Variants in SLCO4A1 observed in about 807,000 individuals in gnomAD.
SLCO4A1 encodes the protein solute carrier organic anion transporter family member 4A1.
SLCO4A1 carries 51 observed loss-of-function variants against 64.6 expected under a neutral mutation model. That is an observed-to-expected ratio of 0.79 (90% CI 0.63 to 1.00). The LOEUF is 1.00. SLCO4A1 is among the 50% of genes least tolerant of loss of function. The pLI is 0.00. For synonymous variants in SLCO4A1, 471 were observed against 444.9 expected, an observed-to-expected ratio of 1.06 and a Z score of -0.74; for missense variants, 919 against 980.5, an observed-to-expected ratio of 0.94 and a Z score of 0.84.
chr20:62,685,936 G>A (rs1988045129), downstream of SLCO4A1, among the ~76,000 whole-genome samples: 1 of 152,008 alleles, frequency 6.6e-6, no homozygotes, highest in Admixed American at 6.5e-5. This position sits in a 1 kb window ranked among gnomAD's most constrained non-coding sequence, Gnocchi z 4.6. Flanking sequence ...TGGATCCATG[G>A]CTGAGCAAGT....
chr20:62,654,254 C>A (rs1369565519), intron 1 of SLCO4A1, among the ~76,000 whole-genome samples: 2 of 152,198 alleles, frequency 1.3e-5, no homozygotes, highest in Non-Finnish European at 2.9e-5. Flanking sequence ...CACCTGTCAC[C>A]GGGTTTAGGG....
Position 62,667,556 on chromosome 20 carries a change from A to C in SLCO4A1, c.1473-189A>C, listed in dbSNP as rs1242301306. On this transcript the variant is annotated intron_variant, in intron 7 of 11. Coordinates refer to ENST00000217159, the MANE Select transcript of SLCO4A1 (RefSeq NM_016354.4). ...TGCCTTCCTTGCGTGAGGAGGAAAA[A>C]CCATTCTATCACCAGAAGGCAGTGC... 4.6e-6 allele frequency: 3 copies of C among 646,360 alleles called. No individual in the cohort carries two copies. The African/African-American group carries it at 5.5e-5, about 12-fold the overall frequency. 40.0% of individuals were successfully genotyped at this position (646,360 alleles called of 1,614,324 possible).
Position 62,656,273 on chromosome 20 carries a change from G to A in SLCO4A1, c.-96-86G>A, listed in dbSNP as rs536065326. 59 of 589,524 alleles carry A rather than the reference G, an allele frequency of 1.0e-4. 1 individual carries two copies. In the South Asian group the frequency reaches 1.1e-3, roughly 11 times the overall value. 36.5% of individuals were successfully genotyped at this position (589,524 alleles called of 1,614,324 possible). On this transcript the variant is annotated intron_variant, in intron 1 of 11. Coordinates refer to ENST00000217159, the MANE Select transcript of SLCO4A1 (RefSeq NM_016354.4). ...GCAGGCAGAGCTTTGAGCCACCCCC[G>A]TGATGGGTGTGCTGGAATGTTCCCT...
At chr20:62,688,603 G>C (rs1016152214), downstream of SLCO4A1, among the ~76,000 whole-genome samples, 1 of 152,216 alleles carries the variant, frequency 6.6e-6, no homozygotes, top group Non-Finnish European at 1.5e-5. Context: ...TGGAATGGAC[G>C]CAGGGCCCAG....
chr20:62,672,356 G>T, downstream of SLCO4A1: 1 of 936,742 alleles, frequency 1.1e-6, no homozygotes, highest in Non-Finnish European at 1.3e-6. Context: ...CGCCATCCTT[G>T]GCCCACGTCC....
downstream of SLCO4A1, among the ~76,000 whole-genome samples, chr20:62,672,852 C>T (rs1368526639): frequency 6.6e-6 from 1 of 152,114 alleles, no homozygotes; most frequent in East Asian, 1.9e-4. Context: ...ACTCGCTGAG[C>T]CCTGCAGCCC....
At chr20:62,646,502 C>T (rs1031506222) in intron 1 of SLCO4A1, among the ~76,000 whole-genome samples, 10 of 152,266 alleles carry the variant, frequency 6.6e-5, no homozygotes, top group African/African-American at 2.4e-4. Context: ...GTAGCCGAGG[C>T]ACAGCGGGGG....
rs117493337 is a variant in SLCO4A1 at position 62,668,925 on chromosome 20, C to T, written c.1877-5C>T. The T allele has an allele frequency of 1.7e-4, 267 of 1,601,466 alleles. No homozygotes were observed. In the East Asian group the frequency reaches 4.9e-3, roughly 29 times the overall value. The stretch of plus-strand genomic sequence containing the variant: ...TGTGGGTGCTGAGTGGGCTTCTCTC[C>T]GCAGGGGGCATCCCGGGGCCCATCG... On this transcript the variant is annotated splice_polypyrimidine_tract_variant and splice_region_variant and intron_variant, in intron 10 of 11. Coordinates refer to ENST00000217159, the MANE Select transcript of SLCO4A1 (RefSeq NM_016354.4).
At chr20:62,647,394 A>G (rs1369041525) in intron 1 of SLCO4A1, among the ~76,000 whole-genome samples, 1 of 152,136 alleles carries the variant, frequency 6.6e-6, no homozygotes, top group Non-Finnish European at 1.5e-5. Flanking sequence ...CGGCTTTGCC[A>G]GGCAGTGCCT....
At chr20:62,643,237 G>T in intron 1 of SLCO4A1, 1 of 341,476 alleles carries the variant, frequency 2.9e-6, no homozygotes. Context: ...CCCTCCAGGT[G>T]CAGGCAGAGG....
chr20:62,655,921 G>T (rs1220537592), intron 1 of SLCO4A1, among the ~76,000 whole-genome samples: 1 of 152,220 alleles, frequency 6.6e-6, no homozygotes, highest in South Asian at 2.1e-4. Flanking sequence ...GCTGCAAATG[G>T]CAGGGGACGT....
intron 7 of SLCO4A1, 91 bp from the exon 8 acceptor site, chr20:62,667,654 T>C: frequency 6.9e-7 from 1 of 1,454,760 alleles, no homozygotes; most frequent in Non-Finnish European, 9.3e-7. Context: ...GCAGGCTGCA[T>C]GGGGACGAGC....
chr20:62,668,675 C>G (rs1332860273), intron 10 of SLCO4A1, 134 bp downstream of exon 10: 1 of 907,768 alleles, frequency 1.1e-6, no homozygotes, highest in African/African-American at 1.6e-5. Context: ...GGGGTCCATT[C>G]CCTAACTGTC....
rs769215145 is a variant in SLCO4A1 at position 62,658,732 on chromosome 20, T to C, written c.852T>C (p.Gly284=). ...LGPAAGYLIG[G]ALLNIYTEMG... is the part of the protein sequence containing the mutation. ...CAGCTGCCGGCTACCTGATTGGAGG[T>C]GCCCTGCTGAATATCTACACGGAAA... Residue 284 remains glycine, a synonymous_variant, in exon 3 of 12, where the codon GGT becomes GGC. Coordinates refer to ENST00000217159, the MANE Select transcript of SLCO4A1 (RefSeq NM_016354.4). 3.1e-6 allele frequency: 5 copies of C among 1,611,954 alleles called. No homozygotes were observed. The Admixed American group carries it at 8.3e-5, about 27-fold the overall frequency.
At position 62,659,995 on chromosome 20, in the gene SLCO4A1, G is replaced by A. The variant is rs116143999; in HGVS notation, c.888-417G>A. Among the ~76,000 whole-genome samples the A allele has an allele frequency of 7.5e-3, 1,137 of 152,352 alleles. 10 individuals carry two copies. Among genetic ancestry groups the A allele is most frequent in the African/African-American group, 0.024 (1,009 of 41,590 alleles). On this transcript the variant is annotated intron_variant, in intron 3 of 11. Coordinates refer to ENST00000217159, the MANE Select transcript of SLCO4A1 (RefSeq NM_016354.4). ...ACGTGCACAACAGTCCCTTCGTGGG[G>A]AGCTCTCAGTGAGCTCCAGCTGAGC...
chr20:62,681,226 C>T (rs1987807533), intron 2 of SLCO4A1, among the ~76,000 whole-genome samples: 1 of 152,214 alleles, frequency 6.6e-6, no homozygotes, highest in Admixed American at 6.5e-5. Flanking sequence ...CTTCTATGCA[C>T]CTGTAAGAAA....
In SLCO4A1 at chr20:62,660,548, C is replaced by T. The variant is rs1359675257; in HGVS notation, c.1009+15C>T. 17 of 1,603,470 alleles carry T rather than the reference C, an allele frequency of 1.1e-5. No individual in the cohort carries two copies. The highest frequency in any genetic ancestry group is 1.4e-5 in the Non-Finnish European group (16 of 1,179,778). On this transcript the variant is annotated intron_variant, in intron 4 of 11. Coordinates refer to ENST00000217159, the MANE Select transcript of SLCO4A1 (RefSeq NM_016354.4). The stretch of plus-strand genomic sequence containing the variant: ...GCAGCTGCCAGGTGGGTTTCCCTTC[C>T]CCAGCCCAGCCTTCACATTGGGAGA...
Position 62,656,599 on chromosome 20 carries a change from C to T in SLCO4A1, c.145C>T (p.His49Tyr), listed in dbSNP as rs1601630852. ...LSPGSLRSAAHSPLDTSKQPL... is the reference protein window; with the variant it reads ...LSPGSLRSAAYSPLDTSKQPL... Reference sequence around the variant, plus strand: ...CCCCGGCTCCCTCCGCTCCGCTGCCCATAGCCCCCTGGACACCAGCAAGCA... The same window carrying T: ...CCCCGGCTCCCTCCGCTCCGCTGCCTATAGCCCCCTGGACACCAGCAAGCA... Residue 49 changes from histidine (H) to tyrosine (Y), a missense_variant, in exon 2 of 12, where the codon CAT becomes TAT. Transcript: ENST00000217159. 1.4e-5 allele frequency: 23 copies of T among 1,598,142 alleles called. No individual in the cohort carries two copies. The highest frequency in any genetic ancestry group is 2.3e-5 in the East Asian group (1 of 43,976).
At chr20:62,668,226 G>T (rs368593541) in intron 9 of SLCO4A1, 42 bp downstream of exon 9, 1 of 1,605,990 alleles carries the variant, frequency 6.2e-7, no homozygotes, top group Admixed American at 1.7e-5. Flanking sequence ...AGCTTTCCTT[G>T]CAGCACCCTG....
Sources: allele counts gnomAD v4.1 joint callset (sites outside exome capture counted in the v4.1 genomes callset), GRCh38; gene constraint gnomAD v4.1.1; non-coding constraint Gnocchi (gnomAD v3.1); transcripts MANE v1.5; gene names NCBI Gene and HGNC (gene_info 2026-07-23, HGNC 2026-07-21).